GNL3L: variants seen among roughly 807,000 people sequenced by gnomAD.
GNL3L encodes the protein G protein nucleolar 3 like.
Under a neutral mutation model 42.9 loss-of-function variants are expected in GNL3L, and 4 were observed. The ratio of observed to expected loss-of-function variants is 0.09; its 90% confidence interval spans 0.05 to 0.21. The LOEUF is 0.21. GNL3L is among the 10% of genes least tolerant of loss of function. The pLI, the probability that GNL3L is intolerant of heterozygous loss-of-function variation, is 1.00. For missense variants in GNL3L, 412 were observed against 481.7 expected, an observed-to-expected ratio of 0.86 and a Z score of 1.36; for synonymous variants, 159 against 176.3, an observed-to-expected ratio of 0.90 and a Z score of 0.78.
the GNL3L span, among the ~76,000 whole-genome samples, chrX:54,633,252 G>C: frequency 2.1e-4 from 24 of 111,776 alleles, no homozygotes; most frequent in African/African-American, 7.2e-4. Context: ...CTGGCCCTCT[G>C]GTTAGTCAGA....
intron 16 of GNL3L, among the ~76,000 whole-genome samples, chrX:54,594,503 G>A (rs1439789142): frequency 9.3e-6 from 1 of 107,668 alleles, no homozygotes; most frequent in African/African-American, 3.4e-5. Flanking sequence ...TGTCTTTATA[G>A]GTGAAGCATG....
intron 7 of GNL3L, chrX:54,543,929 G>A (rs1924696746): frequency 4.1e-6 from 1 of 244,183 alleles, no homozygotes; most frequent in Non-Finnish European, 7.2e-6. Context: ...ATATTTGGGG[G>A]GTCTCTGATG....
At position 54,560,783 on chromosome X, in the gene GNL3L, G is replaced by A. The variant is rs1311906433; in HGVS notation, c.*181G>A. On this transcript the variant is annotated 3_prime_UTR_variant, in exon 16 of 16. Transcript: ENST00000360845. ...CGGCTAGGTGCTGTGGCTCACGTCT[G>A]TAATCCCAGCACTTTGGGAGGCCGA... The A allele has an allele frequency of 8.0e-6, 3 of 373,097 alleles. No homozygotes were observed. The highest frequency in any genetic ancestry group is 4.8e-5 in the South Asian group (1 of 20,891). 30.7% of individuals were successfully genotyped at this position (373,097 alleles called of 1,213,427 possible). A position where few individuals can be genotyped will look rare whatever the true frequency, so the allele number is the denominator to read the frequency against.
intron 9 of GNL3L, among the ~76,000 whole-genome samples, chrX:54,550,059 G>A (rs1306853820): frequency 9.1e-6 from 1 of 109,998 alleles, no homozygotes; most frequent in African/African-American, 3.3e-5. Context: ...AAGAACAATG[G>A]CCAGAATGAG....
the GNL3L span, among the ~76,000 whole-genome samples, chrX:54,634,787 C>CTT: frequency 2.0e-3 from 101 of 51,591 alleles, 1 homozygote; most frequent in Non-Finnish European, 2.3e-3. Flanking sequence ...GCGCCCGGCT[C>CTT]TTTTTTTTTT....
chrX:54,632,409 T>G, the GNL3L span, among the ~76,000 whole-genome samples: 1 of 103,450 alleles, frequency 9.7e-6, no homozygotes, highest in African/African-American at 4.1e-5. Flanking sequence ...ACACCAATTA[T>G]TCTTAGTTTT....
At chrX:54,545,926 G>A (rs1373514398) in intron 8 of GNL3L, among the ~76,000 whole-genome samples, 1 of 112,356 alleles carries the variant, frequency 8.9e-6, no homozygotes, top group African/African-American at 3.2e-5. Flanking sequence ...ATAGCTCATT[G>A]CAGCCTCAAA....
chrX:54,582,388 A>G (rs139474413), intron 16 of GNL3L, among the ~76,000 whole-genome samples: 3,066 of 111,666 alleles, frequency 0.027, 107 homozygotes, highest in African/African-American at 0.096. Flanking sequence ...TCTTTTCTTT[A>G]TAAATTACCT....
At chrX:54,619,941 G>T (rs1926267959) in intron 16 of GNL3L, among the ~76,000 whole-genome samples, 1 of 111,204 alleles carries the variant, frequency 9.0e-6, no homozygotes, top group Non-Finnish European at 1.9e-5. Context: ...CTTTCCACTT[G>T]GCTATTTGAA....
chrX:54,563,288 C>T lies in GNL3L; in HGVS notation c.*2686C>T, dbSNP rs1041029935. Among the ~76,000 whole-genome samples, 6 of 111,651 alleles carry T rather than the reference C, an allele frequency of 5.4e-5. No individual in the cohort carries two copies. The highest frequency in any genetic ancestry group is 9.6e-5 in the Admixed American group (1 of 10,388). On this transcript the variant is annotated 3_prime_UTR_variant, in exon 16 of 16. Coordinates refer to ENST00000360845, the MANE Select transcript of GNL3L (RefSeq NM_001184819.2). Reference sequence around the variant, plus strand: ...AAAAGCAGTATACATTCAGAATGCACCTCTACTTATGATGGGGCTACTTCC... The same window carrying T: ...AAAAGCAGTATACATTCAGAATGCATCTCTACTTATGATGGGGCTACTTCC...
chrX:54,620,940 A>G (rs954489152), exon 17 of GNL3L, among the ~76,000 whole-genome samples: 2 of 112,222 alleles, frequency 1.8e-5, no homozygotes, highest in Non-Finnish European at 3.8e-5. Context: ...TCCTTTTTCT[A>G]TGTTTCTTTT....
At chrX:54,540,043 T>C (rs1041875751) in intron 3 of GNL3L, 92 bp from the exon 4 acceptor site, 1 of 537,507 alleles carries the variant, frequency 1.9e-6, no homozygotes, top group African/African-American at 2.3e-5. Context: ...TATGAGGGGA[T>C]GTTGTCTTCC....
the GNL3L span, among the ~76,000 whole-genome samples, chrX:54,643,308 T>C: frequency 9.0e-6 from 1 of 111,581 alleles, no homozygotes; most frequent in Non-Finnish European, 1.9e-5. Flanking sequence ...ATTATATATG[T>C]ATTTGCACAA....
At chrX:54,571,194 A>ATTT (rs141463877), downstream of GNL3L, among the ~76,000 whole-genome samples, 18 of 91,477 alleles carry the variant, frequency 2.0e-4, 1 homozygote, top group South Asian at 1.5e-3. Context: ...TGTCATCCTA[A>ATTT]TTTTTTTTTT....
intron 8 of GNL3L, among the ~76,000 whole-genome samples, chrX:54,545,016 A>G (rs1215634866): frequency 1.8e-5 from 2 of 110,872 alleles, no homozygotes; most frequent in Non-Finnish European, 3.8e-5. Flanking sequence ...ACCAAGTTCA[A>G]GCAATTCTCC....
At chrX:54,567,874 A>T (rs1925480231), downstream of GNL3L, among the ~76,000 whole-genome samples, 1 of 111,037 alleles carries the variant, frequency 9.0e-6, no homozygotes, top group Non-Finnish European at 1.9e-5. Flanking sequence ...GTTTGTTTTT[A>T]ATGTAGTTTT....
intron 16 of GNL3L, among the ~76,000 whole-genome samples, chrX:54,595,701 C>T (rs1047849674): frequency 1.8e-5 from 2 of 111,358 alleles, no homozygotes; most frequent in East Asian, 2.8e-4. Context: ...TTCTAGATCC[C>T]GTAGGTGGGC....
intron 16 of GNL3L, among the ~76,000 whole-genome samples, chrX:54,614,308 G>T (rs1285413136): frequency 9.0e-6 from 1 of 111,250 alleles, no homozygotes; most frequent in Non-Finnish European, 1.9e-5. Context: ...CCAGGCGGAG[G>T]ACATGACAGG....
At chrX:54,579,126 C>T (rs1035755695) in intron 16 of GNL3L, among the ~76,000 whole-genome samples, 1 of 111,374 alleles carries the variant, frequency 9.0e-6, no homozygotes, top group Non-Finnish European at 1.9e-5. Context: ...TGTCTTTTGT[C>T]CTATATGTGA....
Sources: gnomAD v4.1 joint callset for allele counts (sites outside exome capture counted in the v4.1 genomes callset) on GRCh38, gnomAD v4.1.1 for gene constraint, MANE v1.5 for transcripts, NCBI Gene and HGNC (gene_info 2026-07-23, HGNC 2026-07-21) for gene names.